The following DICER1 variants were observed in gnomAD, a reference collection of about 807,000 sequenced individuals.
DICER1 encodes the protein endoribonuclease Dicer.
DICER1 carries 43 observed loss-of-function variants against 194.1 expected under a neutral mutation model. The ratio of observed to expected loss-of-function variants is 0.22; its 90% CI spans 0.17 to 0.29. The LOEUF (loss-of-function observed/expected upper bound fraction) is 0.29, where lower values mean the gene tolerates loss of function less well. Among genes scored for constraint, DICER1 ranks in the 10% least tolerant of loss-of-function variants. The pLI is 1.00. For missense variants in DICER1, 1,608 were observed against 2,317.0 expected (o/e 0.69, Z 6.28); for synonymous variants, 832 against 820.5 (o/e 1.01, Z -0.24).
At chr14:95,156,242 G>C (rs1341649531) in intron 1 of DICER1, among the ~76,000 whole-genome samples, 1 of 152,220 alleles carries the variant, frequency 6.6e-6, no homozygotes, top group African/African-American at 2.4e-5. Flanking sequence ...TGACAATCAG[G>C]ATTGTAAAGA....
Position 95,105,309 on chromosome 14 carries a change from A to AT in DICER1, c.3094-64_3094-63insA, listed in dbSNP as rs1280745648. The AT allele has an allele frequency of 2.1e-5, 30 of 1,405,376 alleles. No homozygotes were observed. Among genetic ancestry groups the AT allele is most frequent in the African/African-American group, 2.9e-5 (2 of 68,732 alleles). The allele number at this position is 1,405,376 out of a possible 1,614,324, so 87.1% of individuals were successfully genotyped here. ...GCGCACACACAAAAGAAAAAAAAAAAGACCAATTTCACTAATGGATAAAGA... is the reference window on the plus strand; with the variant it reads ...GCGCACACACAAAAGAAAAAAAAAAATGACCAATTTCACTAATGGATAAAGA... On this transcript the variant is annotated intron_variant, in intron 19 of 26. Coordinates refer to ENST00000343455, the MANE Select transcript of DICER1 (RefSeq NM_177438.3). This position sits in a 1 kb window ranked among gnomAD's most constrained non-coding sequence, Gnocchi z 4.9.
chr14:95,097,587 T>C (rs769887561), intron 22 of DICER1, among the ~76,000 whole-genome samples: 7 of 152,212 alleles, frequency 4.6e-5, no homozygotes, highest in Non-Finnish European at 7.4e-5. Context: ...TTCTTTGCAA[T>C]CCTAGAAAGA....
intron 8 of DICER1, among the ~76,000 whole-genome samples, chr14:95,123,771 T>C (rs1893144059): frequency 6.6e-6 from 1 of 152,156 alleles, no homozygotes; most frequent in Non-Finnish European, 1.5e-5. Flanking sequence ...TTAGTCACAA[T>C]ACCCAGATAA....
chr14:95,134,114 G>A lies in DICER1; in HGVS notation c.-45-611C>T, dbSNP rs1019688478. On this transcript the variant is annotated intron_variant, in intron 1 of 26. Transcript: ENST00000343455. ...AAAGATTTAGACACCTGCTAAAATT[G>A]TCACTTTATCAACAGCTCACGAACA... Among the ~76,000 whole-genome samples, 7 of 152,112 alleles carry A rather than the reference G, an allele frequency of 4.6e-5. No homozygotes were observed. The East Asian group carries it at 1.3e-3, about 29-fold the overall frequency.
At chr14:95,153,614 A>C (rs181206139) in intron 1 of DICER1, among the ~76,000 whole-genome samples, 28 of 152,376 alleles carry the variant, frequency 1.8e-4, no homozygotes, top group African/African-American at 6.7e-4. Flanking sequence ...TTCATTAATC[A>C]ACGTGAGTTA....
chr14:95,152,064 TC>T (rs1369288867), intron 1 of DICER1, among the ~76,000 whole-genome samples: 1 of 152,222 alleles, frequency 6.6e-6, no homozygotes, highest in Non-Finnish European at 1.5e-5. Flanking sequence ...TTAACAGACC[TC>T]ATTTTCTAAT....
intron 1 of DICER1, among the ~76,000 whole-genome samples, chr14:95,147,936 C>T (rs1024766718): frequency 3.3e-5 from 5 of 152,226 alleles, no homozygotes; most frequent in Admixed American, 6.5e-5. Flanking sequence ...CAGTGGCACA[C>T]GCCTGTAATC....
intron 11 of DICER1, among the ~76,000 whole-genome samples, chr14:95,114,424 C>G (rs1892253796): frequency 6.6e-6 from 1 of 152,064 alleles, no homozygotes; most frequent in Admixed American, 6.6e-5. Context: ...TAAGTTCACA[C>G]TGACATTAAA....
At chr14:95,125,188 A>G (rs1028951550) in intron 7 of DICER1, among the ~76,000 whole-genome samples, 4 of 152,150 alleles carry the variant, frequency 2.6e-5, no homozygotes, top group Non-Finnish European at 5.9e-5. Flanking sequence ...AACACTGCAC[A>G]GCTGTCTCTA....
chr14:95,147,710 C>T (rs1895230250), intron 1 of DICER1, among the ~76,000 whole-genome samples: 1 of 152,136 alleles, frequency 6.6e-6, no homozygotes. Context: ...GCATCAGATC[C>T]CACAGGTTGA....
Position 95,096,520 on chromosome 14 carries a change from A to G in DICER1, c.4400T>C (p.Ile1467Thr). 1 of 1,613,960 alleles carries G rather than the reference A, an allele frequency of 6.2e-7. No individual in the cohort carries two copies. Among genetic ancestry groups the G allele is most frequent in the Non-Finnish European group, 8.5e-7 (1 of 1,179,870 alleles). ...LMGSGAFVKKISLSPFSTTDS... is the reference protein window; with the variant it reads ...LMGSGAFVKKTSLSPFSTTDS... Reference sequence around the variant, plus strand: ...AGTGGTTGAAAAAGGAGAAAGAGAGATTTTCTTTACAAAAGCTCCTGACCC... The same window carrying G: ...AGTGGTTGAAAAAGGAGAAAGAGAGGTTTTCTTTACAAAAGCTCCTGACCC... The change falls in exon 23 of 27, where the codon ATC becomes ACC. Residue 1467 changes from isoleucine (I) to threonine (T), a missense_variant. By Grantham distance (89) the Ile-to-Thr change is moderately conservative. Coordinates refer to ENST00000343455, the MANE Select transcript of DICER1 (RefSeq NM_177438.3).
Position 95,104,099 on chromosome 14 carries a change from TTTCCA to T in DICER1, c.3292_3296del (p.Trp1098LysfsTer4). 1 of 1,613,786 alleles carries T rather than the reference TTTCCA, an allele frequency of 6.2e-7. No homozygotes were observed. Among genetic ancestry groups the T allele is most frequent in the Non-Finnish European group, 8.5e-7 (1 of 1,179,982 alleles). On this transcript the variant is annotated frameshift_variant, in exon 21 of 27. Transcript: ENST00000343455. LOFTEE classifies it high-confidence loss of function. ...TGAAAGATTTGCTGTCAATAGATTT[TTTCCA>T]CCCGAAGTCTAAGTTAGGGTATCTG...
In DICER1 at chr14:95,096,170, A is replaced by AGAGGAAAAGCT; in HGVS notation, c.4739_4749dup (p.Cys1584SerfsTer9). 6.2e-7 allele frequency: 1 copy of AGAGGAAAAGCT among 1,614,224 alleles called. No individual in the cohort carries two copies. Among genetic ancestry groups the AGAGGAAAAGCT allele is most frequent in the Non-Finnish European group, 8.5e-7 (1 of 1,180,036 alleles). ...GGGAGCACCTTCAGCCCCAGTGAAC[A>AGAGGAAAAGCT]GAGGAAAAGCTGAGCAGCCCTCTCC... On this transcript the variant is annotated frameshift_variant, in exon 23 of 27. Coordinates refer to ENST00000343455, the MANE Select transcript of DICER1 (RefSeq NM_177438.3). LOFTEE classifies it high-confidence loss of function.
At chr14:95,132,165 A>G (rs555220024) in intron 3 of DICER1, among the ~76,000 whole-genome samples, 23 of 152,374 alleles carry the variant, frequency 1.5e-4, no homozygotes, top group African/African-American at 4.8e-4. Flanking sequence ...TAGCAAAATC[A>G]TAAGTACAAA....
intron 24 of DICER1, among the ~76,000 whole-genome samples, chr14:95,093,192 TAAGAAAATCAAAGGAAA>T (rs1231818746): frequency 6.6e-6 from 1 of 152,002 alleles, no homozygotes; most frequent in Non-Finnish European, 1.5e-5. Flanking sequence ...TCTACAAAAA[TAAGAAAATCAAAGGAAA>T]TGAAATGGGA....
At chr14:95,148,106 T>C (rs532585101) in intron 1 of DICER1, among the ~76,000 whole-genome samples, 1 of 152,314 alleles carries the variant, frequency 6.6e-6, no homozygotes, top group South Asian at 2.1e-4. Context: ...GGGTTAGGTA[T>C]GGAGAAGGGG....
intron 23 of DICER1, chr14:95,095,294 C>T (rs1890210476): frequency 5.8e-6 from 1 of 171,420 alleles, no homozygotes. Flanking sequence ...AAATACAGAG[C>T]ACAGTGAGAA....
intron 17 of DICER1, among the ~76,000 whole-genome samples, chr14:95,107,207 C>G (rs983424273): frequency 6.6e-6 from 1 of 151,796 alleles, no homozygotes; most frequent in Non-Finnish European, 1.5e-5. Context: ...TTAGTAATTA[C>G]AATGCTAAAA....
intron 26 of DICER1, 112 bp downstream of exon 26, chr14:95,090,922 G>T: frequency 9.1e-7 from 1 of 1,094,106 alleles, no homozygotes; most frequent in Non-Finnish European, 1.4e-6. Context: ...TCTGACAACA[G>T]CACACCACAG....
Sources: allele counts gnomAD v4.1 joint callset (sites outside exome capture counted in the v4.1 genomes callset), GRCh38; gene constraint gnomAD v4.1.1; non-coding constraint Gnocchi (gnomAD v3.1); transcripts MANE v1.5; gene names NCBI Gene and HGNC (gene_info 2026-07-23, HGNC 2026-07-21).